ANKRD44: variants seen among roughly 807,000 people sequenced by gnomAD.
ANKRD44 encodes ankyrin repeat domain 44.
In ANKRD44, 35 loss-of-function variants were observed where a neutral mutation model predicts 116.0. The observed-to-expected ratio is 0.30, with a 90% CI of 0.23 to 0.40. ANKRD44 has a LOEUF of 0.40. Among genes scored for constraint, ANKRD44 ranks in the 10% least tolerant of loss-of-function variants. ANKRD44 has a pLI of 1.00. For missense variants in ANKRD44, 1,014 were observed against 1,242.6 expected, an observed-to-expected ratio of 0.82 and a Z score of 2.77; for synonymous variants, 435 against 461.8, an observed-to-expected ratio of 0.94 and a Z score of 0.74.
intron 20 of ANKRD44, among the ~76,000 whole-genome samples, chr2:197,007,097 T>A (rs1189405078): frequency 2.0e-5 from 3 of 150,930 alleles, no homozygotes; most frequent in South Asian, 4.2e-4. Context: ...AAGAGTGAGA[T>A]TAAAAAAAAA....
chr2:197,264,637 C>T (rs918409974), intron 1 of ANKRD44, among the ~76,000 whole-genome samples: 14 of 152,330 alleles, frequency 9.2e-5, no homozygotes, highest in African/African-American at 3.4e-4. Flanking sequence ...GTCTTCGGCT[C>T]TAGCACCCAT....
At chr2:196,978,504 G>A (rs923439936) in intron 21 of ANKRD44, among the ~76,000 whole-genome samples, 3 of 152,174 alleles carry the variant, frequency 2.0e-5, no homozygotes, top group African/African-American at 7.2e-5. Flanking sequence ...TTAGAAGCCA[G>A]TCACAAAGAG....
At chr2:197,042,143 C>A (rs1480671767) in intron 16 of ANKRD44, among the ~76,000 whole-genome samples, 1 of 152,104 alleles carries the variant, frequency 6.6e-6, no homozygotes, top group African/African-American at 2.4e-5. Context: ...GTGTGTGTGT[C>A]AATTTAAAAA....
chr2:197,075,961 A>G lies in ANKRD44; in HGVS notation c.1650+2742T>C, dbSNP rs370291848. 1.5e-3 allele frequency among the ~76,000 whole-genome samples: 233 copies of G among 152,308 alleles called. 8 individuals are homozygous for G. The South Asian group carries it at 0.046, about 30-fold the overall frequency. On this transcript the variant is annotated intron_variant, in intron 16 of 27. Coordinates refer to ENST00000282272, the MANE Select transcript of ANKRD44 (RefSeq NM_001195144.2). ...GCCAAAGACACATTTCATCAGCCTC[A>G]CAAATCAGCTGGTCCAGATGGCCCC...
At chr2:196,979,782 G>A (rs577278752) in intron 21 of ANKRD44, among the ~76,000 whole-genome samples, 8 of 151,736 alleles carry the variant, frequency 5.3e-5, no homozygotes, top group African/African-American at 1.9e-4. Flanking sequence ...GGCTGGTCTC[G>A]AACTCCCAAC....
rs113038015 is a variant in ANKRD44 at position 197,291,525 on chromosome 2, G to A, written c.27+19053C>T. Among the ~76,000 whole-genome samples the A allele has an allele frequency of 4.7e-4, 72 of 151,668 alleles. 1 individual carries two copies. Among genetic ancestry groups the A allele is most frequent in the African/African-American group, 1.5e-3 (61 of 41,408 alleles). On this transcript the variant is annotated intron_variant, in intron 1 of 27. Coordinates refer to ENST00000282272, the MANE Select transcript of ANKRD44 (RefSeq NM_001195144.2). ...ACTCCATCTCAAAAAAATAAATAATGTATAATATTTGGATAAAAGTGCGGT... is the reference window on the plus strand; with the variant it reads ...ACTCCATCTCAAAAAAATAAATAATATATAATATTTGGATAAAAGTGCGGT...
At chr2:197,196,374 T>C (rs1316368168) in intron 1 of ANKRD44, among the ~76,000 whole-genome samples, 1 of 152,198 alleles carries the variant, frequency 6.6e-6, no homozygotes, top group Non-Finnish European at 1.5e-5. Context: ...AAAACATGAC[T>C]TTTTATTACT....
chr2:197,272,337 C>T (rs2082921483), intron 1 of ANKRD44, among the ~76,000 whole-genome samples: 1 of 152,184 alleles, frequency 6.6e-6, no homozygotes, highest in Non-Finnish European at 1.5e-5. Flanking sequence ...CTCCCGGGTT[C>T]AAGCAATTTC....
chr2:197,169,957 T>C (rs577133213), intron 2 of ANKRD44, among the ~76,000 whole-genome samples: 1 of 152,180 alleles, frequency 6.6e-6, no homozygotes, highest in South Asian at 2.1e-4. Context: ...TGGCAGGCCA[T>C]GGCTGATGGA....
chr2:197,029,331 T>C, intron 16 of ANKRD44: 1 of 260,554 alleles, frequency 3.8e-6, no homozygotes. Context: ...AGCTTCAACA[T>C]GAGTTTCAGA....
intron 16 of ANKRD44, among the ~76,000 whole-genome samples, chr2:197,068,403 A>T (rs1192674846): frequency 1.6e-5 from 1 of 63,074 alleles, no homozygotes; most frequent in Admixed American, 1.9e-4. Flanking sequence ...AAAAATAAAA[A>T]TAAAATAAAA....
intron 2 of ANKRD44, among the ~76,000 whole-genome samples, chr2:197,164,562 G>T (rs1050967555): frequency 2.6e-5 from 4 of 152,220 alleles, no homozygotes; most frequent in South Asian, 2.1e-4. Flanking sequence ...CTTCGCGGCC[G>T]CTCGGAGCCG....
At chr2:197,118,639 G>GAAAGAAAGA (rs2078774279) in intron 8 of ANKRD44, among the ~76,000 whole-genome samples, 1 of 135,808 alleles carries the variant, frequency 7.4e-6, no homozygotes, top group African/African-American at 2.8e-5. Context: ...GAGAGAGAGA[G>GAAAGAAAGA]AAAGAAAGAA....
intron 16 of ANKRD44, among the ~76,000 whole-genome samples, chr2:197,063,483 C>A (rs925945500): frequency 6.6e-6 from 1 of 152,130 alleles, no homozygotes; most frequent in African/African-American, 2.4e-5. Flanking sequence ...GAGAAGAAGG[C>A]TTCAGATGAT....
intron 1 of ANKRD44, among the ~76,000 whole-genome samples, chr2:197,247,484 T>C (rs748446760): frequency 9.2e-5 from 14 of 152,186 alleles, no homozygotes; most frequent in Non-Finnish European, 1.9e-4. Context: ...CCTGGGTACT[T>C]AGAGAGCAAA....
At chr2:197,238,138 A>G (rs139295392) in intron 1 of ANKRD44, among the ~76,000 whole-genome samples, 183 of 152,322 alleles carry the variant, frequency 1.2e-3, no homozygotes, top group Admixed American at 2.7e-3. Context: ...TACAGTCATT[A>G]TATAACTGTG....
At chr2:197,044,977 G>A (rs992708329) in intron 16 of ANKRD44, among the ~76,000 whole-genome samples, 5 of 152,038 alleles carry the variant, frequency 3.3e-5, no homozygotes, top group Admixed American at 2.6e-4. Flanking sequence ...AGAATAACTA[G>A]AATTATTAAA....
chr2:197,124,154 T>C (rs1374753961), intron 6 of ANKRD44, among the ~76,000 whole-genome samples: 1 of 152,122 alleles, frequency 6.6e-6, no homozygotes, highest in East Asian at 1.9e-4. Flanking sequence ...AACTCAAAAA[T>C]CCATGTCAAC....
chr2:197,192,714 G>A (rs934757171), intron 1 of ANKRD44, among the ~76,000 whole-genome samples: 3 of 152,180 alleles, frequency 2.0e-5, no homozygotes, highest in Non-Finnish European at 4.4e-5. Flanking sequence ...ATTCATGTGA[G>A]TTCTGCTGTA....
Sources: gnomAD v4.1 joint callset for allele counts (sites outside exome capture counted in the v4.1 genomes callset) on GRCh38, gnomAD v4.1.1 for gene constraint, MANE v1.5 for transcripts, NCBI Gene and HGNC (gene_info 2026-07-23, HGNC 2026-07-21) for gene names.